PLEKHG1: variants seen among roughly 807,000 people sequenced by gnomAD.
PLEKHG1 encodes pleckstrin homology and RhoGEF domain containing G1, also known as pleckstrin homology domain-containing family G member 1.
Under a neutral mutation model 100.8 loss-of-function variants are expected in PLEKHG1, and 44 were observed. The ratio of observed to expected loss-of-function variants is 0.44; its 90% CI spans 0.34 to 0.56. The LOEUF is 0.56. PLEKHG1 is among the 20% of genes least tolerant of loss of function. The pLI is 0.01. For missense variants in PLEKHG1, 1,545 were observed against 1,720.9 expected, an observed-to-expected ratio of 0.90 and a Z score of 1.81; for synonymous variants, 640 against 662.5, an observed-to-expected ratio of 0.97 and a Z score of 0.52.
In PLEKHG1 at chr6:150,647,925, T is replaced by C. The variant is rs540720368; in HGVS notation, c.-157-2803T>C. ...CATATTCCTATAATAACTGAAATTA[T>C]AAACTCATTGGTTTACCTCATATTG... On this transcript the variant is annotated intron_variant, in intron 2 of 3. Transcript: ENST00000367326. Among the ~76,000 whole-genome samples, 5 of 152,298 alleles carry C rather than the reference T, an allele frequency of 3.3e-5. No homozygotes were observed. In the East Asian group the frequency reaches 9.6e-4, roughly 29 times the overall value.
chr6:150,715,256 G>A (rs945983045), intron 3 of PLEKHG1, among the ~76,000 whole-genome samples: 1 of 152,124 alleles, frequency 6.6e-6, no homozygotes, highest in East Asian at 1.9e-4. Context: ...TATAACAATA[G>A]CAAGGTGGAA....
At chr6:150,719,128 C>T (rs756662621), upstream of PLEKHG1, among the ~76,000 whole-genome samples, 42 of 152,248 alleles carry the variant, frequency 2.8e-4, no homozygotes, top group Non-Finnish European at 3.5e-4. Flanking sequence ...ATATGGCCCC[C>T]GCTGTCACTT....
intron 3 of PLEKHG1, among the ~76,000 whole-genome samples, chr6:150,784,152 C>T (rs1360726083): frequency 1.3e-5 from 2 of 152,132 alleles, no homozygotes; most frequent in Non-Finnish European, 2.9e-5. Flanking sequence ...GTCGTTAGAC[C>T]ACACTTGGAG....
At chr6:150,642,149 T>G (rs1363095330) in intron 2 of PLEKHG1, among the ~76,000 whole-genome samples, 1 of 152,214 alleles carries the variant, frequency 6.6e-6, no homozygotes, top group Non-Finnish European at 1.5e-5. Flanking sequence ...TTATTAAATC[T>G]ATTTGACTTA....
At chr6:150,688,577 C>T (rs1167032574) in intron 3 of PLEKHG1, among the ~76,000 whole-genome samples, 1 of 152,166 alleles carries the variant, frequency 6.6e-6, no homozygotes, top group East Asian at 1.9e-4. Context: ...CTGCGTTGGC[C>T]TCCCAAAGAG....
At chr6:150,757,202 A>T (rs1393694958) in intron 2 of PLEKHG1, among the ~76,000 whole-genome samples, 1 of 152,078 alleles carries the variant, frequency 6.6e-6, no homozygotes, top group Non-Finnish European at 1.5e-5. Context: ...GGGTTTTACC[A>T]TGTTGGTCAG....
At chr6:150,648,764 C>T (rs1389188091) in intron 2 of PLEKHG1, among the ~76,000 whole-genome samples, 1 of 152,062 alleles carries the variant, frequency 6.6e-6, no homozygotes, top group Non-Finnish European at 1.5e-5. Context: ...TTGAGGTAAA[C>T]TGTATGTATT....
chr6:150,606,625 C>T (rs1331298007), intron 1 of PLEKHG1, among the ~76,000 whole-genome samples: 1 of 152,226 alleles, frequency 6.6e-6, no homozygotes, highest in East Asian at 1.9e-4. Flanking sequence ...GTTTTCTGCG[C>T]TCACTTTAGA....
intron 14 of PLEKHG1, among the ~76,000 whole-genome samples, chr6:150,824,477 A>G (rs1776476222): frequency 6.6e-6 from 1 of 152,016 alleles, no homozygotes; most frequent in African/African-American, 2.4e-5. Context: ...TAAACGTTGT[A>G]TCTTTCCATT....
intron 3 of PLEKHG1, among the ~76,000 whole-genome samples, chr6:150,670,355 G>A (rs1205224187): frequency 6.6e-6 from 1 of 152,046 alleles, no homozygotes; most frequent in African/African-American, 2.4e-5. Context: ...TATTTTTAAA[G>A]CCATGTATAA....
intron 3 of PLEKHG1, among the ~76,000 whole-genome samples, chr6:150,714,384 A>G (rs1781347174): frequency 6.6e-6 from 1 of 152,236 alleles, no homozygotes. Context: ...AGAAGCAGAA[A>G]AATGAACCCA....
intron 3 of PLEKHG1, among the ~76,000 whole-genome samples, chr6:150,702,740 A>T (rs946486044): frequency 6.6e-6 from 1 of 152,240 alleles, no homozygotes; most frequent in Admixed American, 6.5e-5. Flanking sequence ...ATAACCCCGA[A>T]GATAACCACC....
At chr6:150,790,091 G>A (rs1015801477) in intron 4 of PLEKHG1, among the ~76,000 whole-genome samples, 1 of 152,120 alleles carries the variant, frequency 6.6e-6, no homozygotes, top group Non-Finnish European at 1.5e-5. Context: ...TGCAATCTTG[G>A]CTCACCACAA....
intron 2 of PLEKHG1, among the ~76,000 whole-genome samples, chr6:150,644,334 G>GGTTTTTTTTTTTTTTTTTTTTTTTTT (rs1554255840): frequency 8.5e-6 from 1 of 117,622 alleles, no homozygotes; most frequent in Non-Finnish European, 1.7e-5. Flanking sequence ...TTCTTTTCGT[G>GGTTTTTTTTTTTTTTTTTTTTTTTTT]TTTTTTTTTT....
intron 3 of PLEKHG1, among the ~76,000 whole-genome samples, chr6:150,672,560 C>G (rs1489172897): frequency 6.6e-6 from 1 of 152,118 alleles, no homozygotes; most frequent in Non-Finnish European, 1.5e-5. Context: ...AATTGATGCT[C>G]TATTTCACCA....
chr6:150,694,125 T>C (rs1019885184), intron 3 of PLEKHG1, among the ~76,000 whole-genome samples: 1 of 152,162 alleles, frequency 6.6e-6, no homozygotes, highest in African/African-American at 2.4e-5. Context: ...TGGCAGAATT[T>C]TCTGTTTTAT....
At chr6:150,815,513 A>G (rs1191406311) in intron 10 of PLEKHG1, among the ~76,000 whole-genome samples, 4 of 152,228 alleles carry the variant, frequency 2.6e-5, no homozygotes, top group African/African-American at 7.2e-5. Context: ...CATTTTATAT[A>G]TTAGTATGTT....
At chr6:150,607,606 G>A (rs953624114) in intron 1 of PLEKHG1, among the ~76,000 whole-genome samples, 8 of 152,232 alleles carry the variant, frequency 5.3e-5, no homozygotes, top group Non-Finnish European at 7.3e-5. Context: ...GAACGATGCC[G>A]TGTGAAGGTC....
intron 2 of PLEKHG1, among the ~76,000 whole-genome samples, chr6:150,742,494 G>T (rs1279415951): frequency 6.6e-6 from 1 of 151,200 alleles, no homozygotes; most frequent in Non-Finnish European, 1.5e-5. Flanking sequence ...GAACCTGGGA[G>T]GCAGAGGTTG....
Sources: allele counts gnomAD v4.1 joint callset (sites outside exome capture counted in the v4.1 genomes callset), GRCh38; gene constraint gnomAD v4.1.1; transcripts MANE v1.5; gene names NCBI Gene and HGNC (gene_info 2026-07-23, HGNC 2026-07-21).